Variants in ATRN observed in about 807,000 individuals in gnomAD.
ATRN encodes attractin-2.
A neutral mutation model predicts 178.7 loss-of-function variants in ATRN; 54 were observed. The ratio of observed to expected loss-of-function variants is 0.30; its 90% CI spans 0.24 to 0.38. The LOEUF (loss-of-function observed/expected upper bound fraction) is 0.38. Among genes scored for constraint, ATRN ranks in the 10% least tolerant of loss-of-function variants. The pLI is 1.00. For synonymous variants in ATRN, 636 were observed against 663.0 expected (o/e 0.96, Z 0.63); for missense variants, 1,443 against 1,815.1 (o/e 0.79, Z 3.73).
chr20:3,596,539 T>G lies in ATRN; in HGVS notation c.3469+110T>G, dbSNP rs577327346. 1.7e-5 allele frequency: 17 copies of G among 989,524 alleles called. No homozygotes were observed. The African/African-American group carries it at 2.6e-4, about 15-fold the overall frequency. 61.3% of individuals were successfully genotyped at this position (989,524 alleles called of 1,614,324 possible). Reference sequence around the variant, plus strand: ...GCTATAAGACTATAGCAGCCACCAATGAAGTGTTCCCAGACTTGATATGTT... The same window carrying G: ...GCTATAAGACTATAGCAGCCACCAAGGAAGTGTTCCCAGACTTGATATGTT... On this transcript the variant is annotated intron_variant, in intron 21 of 28. Transcript: ENST00000262919.
chr20:3,502,986 C>T (rs967089232), intron 1 of ATRN, among the ~76,000 whole-genome samples: 4 of 152,122 alleles, frequency 2.6e-5, no homozygotes, highest in Non-Finnish European at 4.4e-5. Context: ...TTGCCTTTTT[C>T]ACTCCAGTGA....
chr20:3,600,605 A>G (rs916073728), intron 22 of ATRN, among the ~76,000 whole-genome samples: 48 of 152,288 alleles, frequency 3.2e-4, no homozygotes, highest in African/African-American at 1.0e-3. Flanking sequence ...ACAGCTGCCC[A>G]GAGAATCCTT....
intron 1 of ATRN, among the ~76,000 whole-genome samples, chr20:3,528,153 G>A (rs1394572385): frequency 1.3e-5 from 2 of 152,050 alleles, no homozygotes; most frequent in Non-Finnish European, 1.5e-5. Flanking sequence ...GGTAGATCAC[G>A]AGATCAGGAG....
Position 3,505,200 on chromosome 20 carries a change from T to C in ATRN, c.411-30053T>C, listed in dbSNP as rs571639541. On this transcript the variant is annotated intron_variant, in intron 1 of 28. Transcript: ENST00000262919. ...CCATCCAATTGTTTGAGGGCGTAGA[T>C]AGAACAAAAAGGCAAATCTCATTTC... 6.6e-5 allele frequency among the ~76,000 whole-genome samples: 10 copies of C among 152,292 alleles called. No individual in the cohort carries two copies. In the South Asian group the frequency reaches 2.1e-3, roughly 32 times the overall value.
intron 27 of ATRN, among the ~76,000 whole-genome samples, chr20:3,639,887 A>C (rs1207633401): frequency 6.6e-6 from 1 of 152,138 alleles, no homozygotes; most frequent in Non-Finnish European, 1.5e-5. Flanking sequence ...GGTAAACACA[A>C]CACCCACCTG....
At chr20:3,498,317 C>G (rs189485765) in intron 1 of ATRN, among the ~76,000 whole-genome samples, 1 of 152,194 alleles carries the variant, frequency 6.6e-6, no homozygotes, top group Non-Finnish European at 1.5e-5. Context: ...AGGGAATCCT[C>G]TCTAACTCAT....
intron 6 of ATRN, among the ~76,000 whole-genome samples, chr20:3,556,938 A>T (rs2085885147): frequency 6.6e-6 from 1 of 152,196 alleles, no homozygotes; most frequent in Non-Finnish European, 1.5e-5. Flanking sequence ...GAGGAGCAAA[A>T]TACATTAAGA....
Position 3,644,172 on chromosome 20 carries a change from G to A in ATRN, c.4069G>A (p.Ala1357Thr), listed in dbSNP as rs1188334555. 1 of 1,614,030 alleles carries A rather than the reference G, an allele frequency of 6.2e-7. No individual in the cohort carries two copies. The highest frequency in any genetic ancestry group is 1.7e-5 in the Admixed American group (1 of 60,022). ...GSIKTVPKPI[A>T]LEPCFGNKAA... ...CTGCCAGACTGTTCCCAAACCCATT[G>A]CACTGGAGCCGTGTTTTGGCAACAA... The change falls in exon 28 of 29, where the codon GCA (alanine) becomes ACA (threonine). Residue 1357 changes from alanine to threonine, a missense_variant. Around this residue, in one of 4 missense-constraint regions of ATRN, gnomAD observed 289 missense variants for 440.8 expected, o/e 0.66. Transcript: ENST00000262919.
At chr20:3,534,429 A>G (rs937479959) in intron 1 of ATRN, among the ~76,000 whole-genome samples, 2 of 152,090 alleles carry the variant, frequency 1.3e-5, no homozygotes, top group African/African-American at 4.8e-5. Flanking sequence ...TAAGAAATGG[A>G]GAGACTGGAT....
At chr20:3,597,111 C>T (rs1000121410) in intron 21 of ATRN, among the ~76,000 whole-genome samples, 3 of 112,514 alleles carry the variant, frequency 2.7e-5, no homozygotes, top group Admixed American at 9.9e-5. Flanking sequence ...AACATCTTGA[C>T]CTTGGGTGGG....
intron 6 of ATRN, among the ~76,000 whole-genome samples, chr20:3,555,342 G>A (rs1425954366): frequency 2.0e-5 from 3 of 152,068 alleles, no homozygotes; most frequent in Non-Finnish European, 2.9e-5. Flanking sequence ...CCACACTCGG[G>A]GAGATTCTGA....
chr20:3,490,252 G>C, intron 1 of ATRN: 2 of 1,448,390 alleles, frequency 1.4e-6, no homozygotes, highest in Non-Finnish European at 1.9e-6. Context: ...AACCCAGAGA[G>C]GCCAACTCCT....
chr20:3,520,292 C>T (rs1176988719), intron 1 of ATRN, among the ~76,000 whole-genome samples: 1 of 151,902 alleles, frequency 6.6e-6, no homozygotes, highest in African/African-American at 2.4e-5. Context: ...TTAGGAGTCT[C>T]ATTTTTGGGG....
At chr20:3,593,559 G>A (rs116780825) in intron 19 of ATRN, among the ~76,000 whole-genome samples, 2,406 of 152,250 alleles carry the variant, frequency 0.016, 65 homozygotes, top group African/African-American at 0.054. Context: ...GCAGATGGAC[G>A]TAAGGCCTTT....
chr20:3,540,408 T>C (rs1243437399), intron 3 of ATRN, 73 bp downstream of exon 3: 4 of 955,642 alleles, frequency 4.2e-6, no homozygotes, highest in Non-Finnish European at 6.5e-6. Flanking sequence ...GATTGCATTC[T>C]TACTGGGTTC....
intron 18 of ATRN, among the ~76,000 whole-genome samples, chr20:3,587,645 A>C (rs934172079): frequency 1.3e-5 from 2 of 152,154 alleles, no homozygotes; most frequent in Admixed American, 6.6e-5. Context: ...TATAAGTTTT[A>C]AAATTGGGAA....
chr20:3,528,708 G>A (rs1247293286), intron 1 of ATRN, among the ~76,000 whole-genome samples: 1 of 141,704 alleles, frequency 7.1e-6, no homozygotes, highest in African/African-American at 2.7e-5. Context: ...TGGACCCCTT[G>A]AACCTAAAAT....
intron 1 of ATRN, among the ~76,000 whole-genome samples, chr20:3,533,973 T>G (rs1335573324): frequency 2.6e-5 from 4 of 152,186 alleles, no homozygotes; most frequent in Non-Finnish European, 5.9e-5. Context: ...TAATTTTAAT[T>G]GATACAGATT....
chr20:3,545,739 T>C, intron 3 of ATRN, 23 bp from the exon 4 acceptor site: 2 of 1,612,978 alleles, frequency 1.2e-6, no homozygotes, highest in Non-Finnish European at 1.7e-6. Flanking sequence ...CTTCCCTCTA[T>C]AAGAAGTGTG....
Sources: gnomAD v4.1 joint callset for allele counts (sites outside exome capture counted in the v4.1 genomes callset) on GRCh38, gnomAD v4.1.1 for gene constraint, gnomAD v4.1.1 regional missense constraint, MANE v1.5 for transcripts, NCBI Gene and HGNC (gene_info 2026-07-23, HGNC 2026-07-21) for gene names.